Variants in CLDN16 observed in about 807,000 individuals in gnomAD.
The protein encoded by CLDN16 is claudin 16, also known as claudin-16.
In CLDN16, 13 loss-of-function variants were observed where a neutral mutation model predicts 24.6. The ratio of observed to expected loss-of-function variants is 0.53; its 90% CI spans 0.34 to 0.84. The LOEUF (loss-of-function observed/expected upper bound fraction) is 0.84. Among genes scored for constraint, CLDN16 ranks in the 40% least tolerant of loss-of-function variants. The probability of loss-of-function intolerance (pLI) is 0.01; values close to 1 mark genes in which losing one functional copy is unlikely to be tolerated. For synonymous variants in CLDN16, 116 were observed against 106.7 expected (o/e 1.09, Z -0.54); for missense variants, 298 against 292.7 (o/e 1.02, Z -0.13).
chr3:190,335,128 A>T (rs536767283), intron 1 of CLDN16, among the ~76,000 whole-genome samples: 2 of 148,076 alleles, frequency 1.4e-5, no homozygotes, highest in African/African-American at 2.5e-5. Flanking sequence ...ACTGCAACCT[A>T]TGGCTCCCAG....
chr3:190,356,362 T>C (rs563334802), intron 1 of CLDN16, among the ~76,000 whole-genome samples: 1 of 151,966 alleles, frequency 6.6e-6, no homozygotes, highest in South Asian at 2.1e-4. Flanking sequence ...CAAATTTAGA[T>C]GATTCTTGCT....
chr3:190,374,268 ATT>A (rs1491090406), intron 2 of CLDN16, among the ~76,000 whole-genome samples: 31 of 83,712 alleles, frequency 3.7e-4, no homozygotes, highest in African/African-American at 1.6e-3. Flanking sequence ...CCTGAAAAAC[ATT>A]GTGTGTGTGT....
chr3:190,322,477 A>G, upstream of CLDN16: 1 of 494,580 alleles, frequency 2.0e-6, no homozygotes, highest in East Asian at 3.7e-5. Flanking sequence ...GATTTAAAGC[A>G]GCTCCGCCCG....
chr3:190,370,638 G>A (rs1225335752), intron 1 of CLDN16, among the ~76,000 whole-genome samples: 1 of 151,944 alleles, frequency 6.6e-6, no homozygotes, highest in Non-Finnish European at 1.5e-5. Flanking sequence ...ACTCATGACA[G>A]TTGTGATGGT....
chr3:190,317,726 C>T (rs1429513222), upstream of CLDN16, among the ~76,000 whole-genome samples: 2 of 152,184 alleles, frequency 1.3e-5, no homozygotes, highest in Admixed American at 6.5e-5. Flanking sequence ...TCAAGTCCTA[C>T]AGTTGATCCT....
intron 1 of CLDN16, among the ~76,000 whole-genome samples, chr3:190,331,764 T>C (rs780081631): frequency 9.9e-5 from 15 of 152,210 alleles, no homozygotes; most frequent in Non-Finnish European, 1.3e-4. Context: ...ACAAATTTAG[T>C]GGCTTAAAAC....
chr3:190,321,489 CTT>C (rs1716919862), upstream of CLDN16, among the ~76,000 whole-genome samples: 1 of 152,160 alleles, frequency 6.6e-6, no homozygotes, highest in Admixed American at 6.5e-5. Flanking sequence ...AGGAATGTAA[CTT>C]TTACTATGAA....
intron 2 of CLDN16, chr3:190,371,039 T>TAA (rs1553806007): frequency 6.7e-4 from 2 of 2,982 alleles, no homozygotes; most frequent in African/African-American, 1.4e-3. Context: ...TATATATATA[T>TAA]AAAATATATA....
At chr3:190,363,586 ATATATATATATT>A (rs1173998053) in intron 1 of CLDN16, among the ~76,000 whole-genome samples, 11 of 132,982 alleles carry the variant, frequency 8.3e-5, no homozygotes, top group African/African-American at 3.2e-4. Context: ...ATATATATAT[ATATATATATATT>A]TTCTTTCTCC....
the CLDN16 span, among the ~76,000 whole-genome samples, chr3:190,309,890 T>C: frequency 7.9e-5 from 12 of 152,204 alleles, no homozygotes; most frequent in Admixed American, 7.9e-4. Context: ...TCTTTATTAA[T>C]ATTTGAAAAA....
intron 2 of CLDN16, among the ~76,000 whole-genome samples, chr3:190,372,370 C>T (rs138523532): frequency 6.6e-6 from 1 of 151,996 alleles, no homozygotes; most frequent in East Asian, 2.0e-4. Context: ...GAGCCTGGCA[C>T]AGTGGAGCCT....
At chr3:190,384,741 AT>A (rs1482467793), upstream of CLDN16, among the ~76,000 whole-genome samples, 2 of 152,164 alleles carry the variant, frequency 1.3e-5, no homozygotes. Flanking sequence ...GGCTCTGAGA[AT>A]TAAATTATTA....
intron 3 of CLDN16, among the ~76,000 whole-genome samples, chr3:190,379,351 A>G (rs1718311363): frequency 6.6e-6 from 1 of 152,082 alleles, no homozygotes; most frequent in Non-Finnish European, 1.5e-5. Flanking sequence ...ACAGTAAAAT[A>G]TCTCATCTGA....
At chr3:190,391,322 G>A (rs1718659741) in intron 1 of CLDN16, among the ~76,000 whole-genome samples, 1 of 150,874 alleles carries the variant, frequency 6.6e-6, no homozygotes, top group Non-Finnish European at 1.5e-5. Flanking sequence ...TAAAAGGAAT[G>A]ATGCTACTCC....
the CLDN16 span, chr3:190,310,134 A>G: frequency 6.4e-7 from 1 of 1,570,022 alleles, no homozygotes; most frequent in South Asian, 1.1e-5. Context: ...GCATTTTCTC[A>G]GAAAACAAAC....
At chr3:190,292,602 C>A in the CLDN16 span, among the ~76,000 whole-genome samples, 1 of 152,152 alleles carries the variant, frequency 6.6e-6, no homozygotes, top group Non-Finnish European at 1.5e-5. Flanking sequence ...ATGGGTTTTT[C>A]TTTTTCTATT....
At chr3:190,407,161 A>G (rs1023644022) in intron 3 of CLDN16, among the ~76,000 whole-genome samples, 3 of 152,108 alleles carry the variant, frequency 2.0e-5, no homozygotes, top group Non-Finnish European at 2.9e-5. Flanking sequence ...TGGAGACTAC[A>G]TATTTTATTT....
chr3:190,379,073 G>T (rs747039146), intron 3 of CLDN16, among the ~76,000 whole-genome samples: 1 of 152,016 alleles, frequency 6.6e-6, no homozygotes. Context: ...GCAAAGAAAC[G>T]TACTTGATTT....
At chr3:190,344,704 A>G (rs1234101427) in intron 1 of CLDN16, among the ~76,000 whole-genome samples, 2 of 151,916 alleles carry the variant, frequency 1.3e-5, no homozygotes, top group African/African-American at 4.8e-5. Flanking sequence ...GTGGAAATAA[A>G]AAAAAAAACT....
Sources: gnomAD v4.1 joint callset for allele counts (sites outside exome capture counted in the v4.1 genomes callset) on GRCh38, gnomAD v4.1.1 for gene constraint, MANE v1.5 for transcripts, NCBI Gene and HGNC (gene_info 2026-07-23, HGNC 2026-07-21) for gene names.